HDAC4: variants seen among roughly 807,000 people sequenced by gnomAD.
The protein encoded by HDAC4 is histone deacetylase 4.
In HDAC4, 16 loss-of-function variants were observed where a neutral mutation model predicts 135.1. The ratio of observed to expected loss-of-function variants is 0.12; its 90% CI spans 0.08 to 0.18. The LOEUF is 0.18. Among genes scored for constraint, HDAC4 ranks in the 10% least tolerant of loss-of-function variants. The pLI, the probability that HDAC4 is intolerant of heterozygous loss-of-function variation, is 1.00. For missense variants in HDAC4, 1,143 were observed against 1,511.8 expected (o/e 0.76, Z 4.05); for synonymous variants, 685 against 653.4 (o/e 1.05, Z -0.74).
intron 22 of HDAC4, among the ~76,000 whole-genome samples, chr2:239,079,713 C>A (rs1170836235): frequency 6.6e-6 from 1 of 152,200 alleles, no homozygotes; most frequent in East Asian, 1.9e-4. Context: ...CAAAGACACA[C>A]AAGCACACGT....
intron 4 of HDAC4, among the ~76,000 whole-genome samples, chr2:239,187,817 GT>G (rs930409474): frequency 1.1e-4 from 17 of 152,204 alleles, no homozygotes; most frequent in African/African-American, 3.9e-4. Flanking sequence ...GTGGAGGCTG[GT>G]GGGCCAATCT....
At chr2:239,393,580 A>G (rs1034401310) in intron 1 of HDAC4, among the ~76,000 whole-genome samples, 2 of 152,050 alleles carry the variant, frequency 1.3e-5, no homozygotes, top group African/African-American at 4.8e-5. Flanking sequence ...GGCTCTGGCT[A>G]AAAAGGACCA....
intron 17 of HDAC4, chr2:239,094,553 C>T (rs1325550458): frequency 2.5e-5 from 27 of 1,071,624 alleles, no homozygotes; most frequent in African/African-American, 5.0e-5. Flanking sequence ...CACAGCCCAG[C>T]GAGTAGCCCT....
intron 4 of HDAC4, among the ~76,000 whole-genome samples, chr2:239,188,396 C>T (rs2153039103): frequency 1.3e-5 from 2 of 152,350 alleles, no homozygotes; most frequent in East Asian, 3.9e-4. Flanking sequence ...AGAGAATTAT[C>T]AGCTAGGGCA....
chr2:239,126,617 T>C lies in HDAC4; in HGVS notation c.1372A>G (p.Ile458Val), dbSNP rs1030590986. ...GGGCGGTGCTGCCGCAGCTTGTGGA[T>C]GGAGGGGGACACCCGGTCTGCACCA... ...LVGADRVSPS[I>V]HKLRQHRPLG... The change falls in exon 12 of 27, where the codon ATC becomes GTC. Residue 458 changes from isoleucine to valine, a missense_variant. By Grantham distance (29) the Ile-to-Val change is conservative. Coordinates refer to ENST00000543185, the MANE Select transcript of HDAC4 (RefSeq NM_001378414.1). The C allele has an allele frequency of 9.3e-6, 15 of 1,613,914 alleles. No individual in the cohort carries two copies. Among genetic ancestry groups the C allele is most frequent in the Non-Finnish European group, 1.3e-5 (15 of 1,179,966 alleles).
rs1350552650 is a variant in HDAC4, at chr2:239,068,831, A to G, written c.2751-224T>C. 1 of 592,172 alleles carries G rather than the reference A, an allele frequency of 1.7e-6. No homozygotes were observed. Among genetic ancestry groups the G allele is most frequent in the Admixed American group, 2.3e-5 (1 of 43,624 alleles). 36.7% of individuals were successfully genotyped at this position (592,172 alleles called of 1,614,324 possible). A position where few individuals can be genotyped will look rare whatever the true frequency, so the allele number is the denominator to read the frequency against. On this transcript the variant is annotated intron_variant, in intron 22 of 26. Coordinates refer to ENST00000543185, the MANE Select transcript of HDAC4 (RefSeq NM_001378414.1). This position sits in a 1 kb window ranked among gnomAD's most constrained non-coding sequence, Gnocchi z 4.4. ...GCTCATTTCACATCTTCACAGTGCAAGCCAGCAAGCCCCACGACACTTGCT... is the reference window on the plus strand; with the variant it reads ...GCTCATTTCACATCTTCACAGTGCAGGCCAGCAAGCCCCACGACACTTGCT...
At chr2:239,241,166 G>A (rs1267807276) in intron 2 of HDAC4, among the ~76,000 whole-genome samples, 6 of 152,018 alleles carry the variant, frequency 3.9e-5, no homozygotes, top group Non-Finnish European at 8.8e-5. Context: ...CCTCCACCAA[G>A]GGTTTCACAT....
chr2:239,124,233 T>A (rs2039935285), intron 12 of HDAC4, among the ~76,000 whole-genome samples: 4 of 152,194 alleles, frequency 2.6e-5, no homozygotes, highest in Admixed American at 2.6e-4. Flanking sequence ...TGTGCAGTCA[T>A]CACCATATCT....
intron 2 of HDAC4, chr2:239,305,350 T>C (rs1324240791): frequency 6.6e-6 from 1 of 152,614 alleles, no homozygotes; most frequent in Admixed American, 6.5e-5. Flanking sequence ...TGGACAATGG[T>C]AGGGAACATT....
rs148794274 is a variant in HDAC4 at position 239,152,876 on chromosome 2, C to T, written c.733+3776G>A. On this transcript the variant is annotated intron_variant, in intron 7 of 26. Transcript: ENST00000543185. Reference sequence around the variant, plus strand: ...AGAGAAACAAGAGCAGAAAACACCTCGATCTGGTCCTACTCGAAGGACTTT... The same window carrying T: ...AGAGAAACAAGAGCAGAAAACACCTTGATCTGGTCCTACTCGAAGGACTTT... 3.1e-3 allele frequency among the ~76,000 whole-genome samples: 466 copies of T among 152,334 alleles called. 2 individuals are homozygous for T. Among genetic ancestry groups the T allele is most frequent in the African/African-American group, 0.011 (453 of 41,574 alleles).
At chr2:239,079,771 CA>C (rs781197513) in intron 22 of HDAC4, among the ~76,000 whole-genome samples, 2 of 151,948 alleles carry the variant, frequency 1.3e-5, no homozygotes, top group East Asian at 1.9e-4. Flanking sequence ...GATATACACA[CA>C]AAGACGTGCA....
At chr2:239,397,920 G>C (rs1278853932) in intron 1 of HDAC4, among the ~76,000 whole-genome samples, 2 of 152,166 alleles carry the variant, frequency 1.3e-5, no homozygotes, top group East Asian at 3.8e-4. Flanking sequence ...CTGACCACCT[G>C]AAATCAAAAC....
intron 4 of HDAC4, among the ~76,000 whole-genome samples, chr2:239,185,609 C>T (rs1351784594): frequency 2.0e-5 from 3 of 152,082 alleles, no homozygotes; most frequent in African/African-American, 4.8e-5. Flanking sequence ...CCCACATGCC[C>T]CTGCTCCATC....
At chr2:239,398,819 C>A (rs1444823444) in intron 1 of HDAC4, among the ~76,000 whole-genome samples, 1 of 152,244 alleles carries the variant, frequency 6.6e-6, no homozygotes, top group Non-Finnish European at 1.5e-5. Context: ...TCCACCCCGT[C>A]CCCTTAGCCC....
intron 22 of HDAC4, among the ~76,000 whole-genome samples, chr2:239,076,828 C>T (rs748028174): frequency 5.9e-5 from 9 of 152,304 alleles, no homozygotes; most frequent in Non-Finnish European, 8.8e-5. Context: ...GAAGCAAAAG[C>T]GTCCCCACTG....
chr2:239,050,528 A>C lies in HDAC4; in HGVS notation c.*2569T>G, dbSNP rs1290046035. On this transcript the variant is annotated 3_prime_UTR_variant, in exon 27 of 27. Coordinates refer to ENST00000543185, the MANE Select transcript of HDAC4 (RefSeq NM_001378414.1). Reference sequence around the variant, plus strand: ...TGGCCACCAGGGAGGGGAAAGTCAAACAAGTCCCAAGACCGTTCTGCCTGC... The same window carrying C: ...TGGCCACCAGGGAGGGGAAAGTCAACCAAGTCCCAAGACCGTTCTGCCTGC... 1 of 152,662 alleles carries C rather than the reference A, an allele frequency of 6.6e-6. No homozygotes were observed. Among genetic ancestry groups the C allele is most frequent in the African/African-American group, 2.4e-5 (1 of 41,462 alleles). 9.5% of individuals were successfully genotyped at this position (152,662 alleles called of 1,614,324 possible).
At chr2:239,275,881 C>T (rs900117943) in intron 2 of HDAC4, among the ~76,000 whole-genome samples, 5 of 152,138 alleles carry the variant, frequency 3.3e-5, no homozygotes, top group African/African-American at 4.8e-5. Flanking sequence ...AGGTATGGGG[C>T]GGAGAAGATG....
intron 2 of HDAC4, among the ~76,000 whole-genome samples, chr2:239,344,033 G>A (rs1399540217): frequency 5.9e-5 from 9 of 152,220 alleles, no homozygotes; most frequent in Admixed American, 5.9e-4. Context: ...GAGCAAGCAA[G>A]TCATCAAGGC....
rs571890685 is a variant in HDAC4, at chr2:239,156,022, G to A, written c.733+630C>T. ...TGCCGTGGCCCCTGAGAAAGTCACA[G>A]AGGGTCCGTCCTGACTTGCCAGACA... On this transcript the variant is annotated intron_variant, in intron 7 of 26. Coordinates refer to ENST00000543185, the MANE Select transcript of HDAC4 (RefSeq NM_001378414.1). Among the ~76,000 whole-genome samples the A allele has an allele frequency of 2.6e-5, 4 of 152,342 alleles. No homozygotes were observed. The South Asian group carries it at 8.3e-4, about 32-fold the overall frequency.
Sources: gnomAD v4.1 joint callset for allele counts (sites outside exome capture counted in the v4.1 genomes callset) on GRCh38, gnomAD v4.1.1 for gene constraint, Gnocchi (gnomAD v3.1) non-coding constraint, MANE v1.5 for transcripts, NCBI Gene and HGNC (gene_info 2026-07-23, HGNC 2026-07-21) for gene names.